CSGALNACT1: variants seen among roughly 807,000 people sequenced by gnomAD.
The protein encoded by CSGALNACT1 is beta4GalNAcT-1.
Under a neutral mutation model 51.0 loss-of-function variants are expected in CSGALNACT1, and 52 were observed. The observed-to-expected ratio is 1.02, with a 90% CI of 0.82 to 1.29. The LOEUF (loss-of-function observed/expected upper bound fraction) is 1.29. Among genes scored for constraint, CSGALNACT1 ranks in the 50% most tolerant of loss-of-function variants. The probability of loss-of-function intolerance (pLI) is 0.00; values close to 1 mark genes in which losing one functional copy is unlikely to be tolerated. For missense variants in CSGALNACT1, 935 were observed against 679.2 expected, an observed-to-expected ratio of 1.38 and a Z score of -4.19; for synonymous variants, 341 against 254.4, an observed-to-expected ratio of 1.34 and a Z score of -3.24.
intron 5 of CSGALNACT1, among the ~76,000 whole-genome samples, chr8:19,444,173 C>T (rs898231338): frequency 2.6e-5 from 4 of 152,214 alleles, no homozygotes; most frequent in Non-Finnish European, 4.4e-5. Context: ...TGTCTTATAA[C>T]ATGGTGTGAT....
At chr8:19,484,920 A>G (rs910384152) in intron 4 of CSGALNACT1, among the ~76,000 whole-genome samples, 1 of 152,086 alleles carries the variant, frequency 6.6e-6, no homozygotes, top group Non-Finnish European at 1.5e-5. Context: ...ACCTGTCCTC[A>G]CTGAGGACAC....
At chr8:19,470,856 G>A (rs949454378) in intron 4 of CSGALNACT1, among the ~76,000 whole-genome samples, 2 of 152,130 alleles carry the variant, frequency 1.3e-5, no homozygotes, top group African/African-American at 4.8e-5. Flanking sequence ...AACACTTTCG[G>A]AGGCTGAGGT....
chr8:19,666,809 A>AAGAGAGAGAG (rs375633259), intron 1 of CSGALNACT1, among the ~76,000 whole-genome samples: 7 of 25,062 alleles, frequency 2.8e-4, no homozygotes, highest in African/African-American at 1.3e-3. Flanking sequence ...GAAAGAAAGA[A>AAGAGAGAGAG]AGAGAGAGAG....
chr8:19,428,368 C>T (rs913750869), intron 6 of CSGALNACT1, among the ~76,000 whole-genome samples: 2 of 152,122 alleles, frequency 1.3e-5, no homozygotes, highest in Non-Finnish European at 2.9e-5. Flanking sequence ...AAAGTCACAT[C>T]TTACGTGGCG....
chr8:19,569,588 C>T (rs561269145), intron 3 of CSGALNACT1, among the ~76,000 whole-genome samples: 3 of 151,878 alleles, frequency 2.0e-5, no homozygotes, highest in Non-Finnish European at 4.4e-5. Context: ...GTTGACAATA[C>T]CAAATGCTTT....
intron 1 of CSGALNACT1, among the ~76,000 whole-genome samples, chr8:19,707,207 G>A (rs1233815393): frequency 6.6e-6 from 1 of 152,070 alleles, no homozygotes; most frequent in African/African-American, 2.4e-5. Flanking sequence ...TGGAAATACT[G>A]GTGCTAAAGC....
At chr8:19,412,317 T>C (rs1035241889) in intron 8 of CSGALNACT1, among the ~76,000 whole-genome samples, 2 of 152,148 alleles carry the variant, frequency 1.3e-5, no homozygotes, top group Non-Finnish European at 2.9e-5. Context: ...CTGTGGACGA[T>C]TCACGTGACA....
At chr8:19,423,948 T>C (rs1484092619) in intron 6 of CSGALNACT1, among the ~76,000 whole-genome samples, 4 of 152,120 alleles carry the variant, frequency 2.6e-5, no homozygotes, top group Non-Finnish European at 5.9e-5. Context: ...GTGGACCATA[T>C]GGGGGCCGGC....
chr8:19,726,220 T>C (rs1490779862), intron 1 of CSGALNACT1, among the ~76,000 whole-genome samples: 1 of 152,178 alleles, frequency 6.6e-6, no homozygotes. Context: ...TAAGATAAGT[T>C]AACATTAAAT....
At chr8:19,521,064 G>A (rs995764944) in intron 3 of CSGALNACT1, among the ~76,000 whole-genome samples, 43 of 152,154 alleles carry the variant, frequency 2.8e-4, no homozygotes, top group African/African-American at 8.9e-4. Context: ...GCAAAAGGGA[G>A]GTGTGCGGGG....
chr8:19,469,296 C>G (rs2067510613), intron 4 of CSGALNACT1, among the ~76,000 whole-genome samples: 1 of 152,146 alleles, frequency 6.6e-6, no homozygotes, highest in South Asian at 2.1e-4. Context: ...GCGGTGCAGG[C>G]ATGAGGATCC....
intron 5 of CSGALNACT1, among the ~76,000 whole-genome samples, chr8:19,450,141 G>A (rs1240912169): frequency 1.5e-5 from 1 of 67,140 alleles, no homozygotes; most frequent in African/African-American, 5.6e-5. Context: ...AGGTGGAGGG[G>A]GAAAAGGAGG....
At chr8:19,404,927 C>A in exon 10 of CSGALNACT1, 1 of 454,164 alleles carries the variant, frequency 2.2e-6, no homozygotes. Context: ...CAAACCATTC[C>A]TTCCCTATGT....
chr8:19,668,666 T>A (rs1446505246), intron 1 of CSGALNACT1, among the ~76,000 whole-genome samples: 2 of 152,150 alleles, frequency 1.3e-5, no homozygotes. Flanking sequence ...GCAATTCTCC[T>A]GCCTCAGCCT....
At chr8:19,589,030 G>C (rs1163934556) in intron 3 of CSGALNACT1, among the ~76,000 whole-genome samples, 3 of 152,314 alleles carry the variant, frequency 2.0e-5, no homozygotes, top group Admixed American at 6.5e-5. Flanking sequence ...CACAGGACAA[G>C]CCTATCCCAG....
intron 3 of CSGALNACT1, among the ~76,000 whole-genome samples, chr8:19,579,716 T>C (rs2154120282): frequency 6.6e-6 from 1 of 152,350 alleles, no homozygotes; most frequent in East Asian, 1.9e-4. Flanking sequence ...TAATAGCATA[T>C]ACCATGATTT....
At chr8:19,464,196 C>G (rs2066166946) in intron 4 of CSGALNACT1, among the ~76,000 whole-genome samples, 1 of 152,190 alleles carries the variant, frequency 6.6e-6, no homozygotes, top group Non-Finnish European at 1.5e-5. Flanking sequence ...TCATCCCTGC[C>G]TTCCCTACCT....
chr8:19,680,428 T>A (rs1023787139), intron 1 of CSGALNACT1, among the ~76,000 whole-genome samples: 1 of 151,626 alleles, frequency 6.6e-6, no homozygotes, highest in East Asian at 1.9e-4. Context: ...TGGTGGCGGG[T>A]GCCTGTAATC....
exon 1 of CSGALNACT1, chr8:19,682,529 G>T (rs184539647): frequency 7.2e-6 from 3 of 416,498 alleles, no homozygotes; most frequent in African/African-American, 6.1e-5. Flanking sequence ...GGGACGTATG[G>T]TCTTTCCCGG....
Sources: gnomAD v4.1 joint callset for allele counts (sites outside exome capture counted in the v4.1 genomes callset) on GRCh38, gnomAD v4.1.1 for gene constraint, MANE v1.5 for transcripts, NCBI Gene and HGNC (gene_info 2026-07-23, HGNC 2026-07-21) for gene names.